Variants in EYA2 observed in about 807,000 individuals in gnomAD.
The protein encoded by EYA2 is protein phosphatase EYA2.
Under a neutral mutation model 69.2 loss-of-function variants are expected in EYA2, and 31 were observed. The observed-to-expected ratio is 0.45, with a 90% confidence interval of 0.34 to 0.60. The LOEUF (loss-of-function observed/expected upper bound fraction) is 0.60, where lower values mean the gene tolerates loss of function less well. Ranked by LOEUF, EYA2 falls within the 20% of genes least tolerant of loss-of-function variation. The pLI is 0.02. For missense variants in EYA2, 622 were observed against 701.2 expected, an observed-to-expected ratio of 0.89 and a Z score of 1.28; for synonymous variants, 257 against 279.4, an observed-to-expected ratio of 0.92 and a Z score of 0.80.
At chr20:47,019,634 G>T (rs1228862977) in intron 5 of EYA2, among the ~76,000 whole-genome samples, 1 of 152,098 alleles carries the variant, frequency 6.6e-6, no homozygotes, top group Admixed American at 6.5e-5. Flanking sequence ...TGCTGATTTT[G>T]TGAAATTGGC....
At position 47,009,702 on chromosome 20, in the gene EYA2, A is replaced by G. The variant is rs553019460; in HGVS notation, c.298+4618A>G. Among the ~76,000 whole-genome samples, 8 of 152,342 alleles carry G rather than the reference A, an allele frequency of 5.3e-5. No individual in the cohort carries two copies. The East Asian group carries it at 9.6e-4, about 18-fold the overall frequency. On this transcript the variant is annotated intron_variant, in intron 4 of 15. Coordinates refer to ENST00000327619, the MANE Select transcript of EYA2 (RefSeq NM_005244.5). ...AGCAGACCACACAGTCTCTATCTCA[A>G]TCACTCAACTCTGCCATTGTAGCAT...
chr20:47,182,951 C>T (rs565950088), intron 14 of EYA2, among the ~76,000 whole-genome samples: 1 of 152,216 alleles, frequency 6.6e-6, no homozygotes, highest in Non-Finnish European at 1.5e-5. Flanking sequence ...CAAAAGTGTC[C>T]AGCGCAGTGG....
chr20:47,072,579 C>T (rs2031354828), intron 6 of EYA2, among the ~76,000 whole-genome samples: 1 of 152,154 alleles, frequency 6.6e-6, no homozygotes, highest in South Asian at 2.1e-4. Flanking sequence ...TTCACCAGAC[C>T]ATGGGCTTCT....
At chr20:47,016,742 T>C (rs1342239562) in intron 5 of EYA2, among the ~76,000 whole-genome samples, 3 of 152,118 alleles carry the variant, frequency 2.0e-5, no homozygotes, top group African/African-American at 7.2e-5. Flanking sequence ...GTACAAACTG[T>C]GCATGCAGGG....
intron 15 of EYA2, 101 bp from the exon 16 acceptor site, chr20:47,187,952 G>C (rs1228803424): frequency 1.2e-5 from 15 of 1,286,822 alleles, no homozygotes; most frequent in African/African-American, 1.5e-5. Context: ...CCACGTGCTA[G>C]ACTTAACTGG....
intron 1 of EYA2, among the ~76,000 whole-genome samples, chr20:46,959,266 A>G (rs928353398): frequency 6.6e-6 from 1 of 152,232 alleles, no homozygotes; most frequent in Non-Finnish European, 1.5e-5. Context: ...GTCATTGTGT[A>G]CATAGAGCCC....
intron 10 of EYA2, among the ~76,000 whole-genome samples, chr20:47,157,340 C>A (rs2033971909): frequency 1.9e-5 from 2 of 106,592 alleles, no homozygotes; most frequent in Admixed American, 1.5e-4. Context: ...GGTGACAGAG[C>A]AAGACTCCGT....
intron 5 of EYA2, chr20:47,071,906 C>T (rs917393147): frequency 1.4e-5 from 6 of 437,614 alleles, no homozygotes; most frequent in Non-Finnish European, 2.1e-5. Context: ...TTAGGGGTCA[C>T]GTGAGCCATA....
intron 1 of EYA2, among the ~76,000 whole-genome samples, chr20:46,969,551 T>TTTTG (rs11471522): frequency 0.22 from 32,945 of 152,004 alleles, 3,841 homozygotes; most frequent in Non-Finnish European, 0.27. Context: ...CCTCTTTTGT[T>TTTTG]TTTGTTTGTT....
intron 5 of EYA2, among the ~76,000 whole-genome samples, chr20:47,024,466 AG>A (rs1983962908): frequency 6.6e-6 from 1 of 152,174 alleles, no homozygotes; most frequent in Non-Finnish European, 1.5e-5. Context: ...GATCTTTTCC[AG>A]TGGTTCTCTC....
At chr20:46,921,112 G>A (rs1328215050) in intron 1 of EYA2, among the ~76,000 whole-genome samples, 1 of 152,182 alleles carries the variant, frequency 6.6e-6, no homozygotes. Flanking sequence ...AACTCTAGCT[G>A]TGCCCACACC....
intron 1 of EYA2, among the ~76,000 whole-genome samples, chr20:46,946,799 G>C (rs1288704087): frequency 1.5e-5 from 2 of 135,954 alleles, no homozygotes; most frequent in African/African-American, 5.3e-5. Context: ...CAACGTAGAT[G>C]ATGGGGCTTT....
chr20:47,036,226 TAA>T (rs1984703462), intron 5 of EYA2, among the ~76,000 whole-genome samples: 1 of 151,972 alleles, frequency 6.6e-6, no homozygotes, highest in Non-Finnish European at 1.5e-5. Context: ...TAGCATGAAG[TAA>T]GAGAGGCACT....
At chr20:46,929,468 G>A (rs1293927136) in intron 1 of EYA2, among the ~76,000 whole-genome samples, 1 of 151,692 alleles carries the variant, frequency 6.6e-6, no homozygotes, top group Non-Finnish European at 1.5e-5. Flanking sequence ...AGGGCCATAT[G>A]ATAAAAGATT....
chr20:47,111,619 C>T (rs1025011781), intron 9 of EYA2, among the ~76,000 whole-genome samples: 4 of 152,214 alleles, frequency 2.6e-5, no homozygotes, highest in Non-Finnish European at 5.9e-5. Context: ...CCATTTGGAA[C>T]TGGCACACTG....
At chr20:47,173,529 AAAAC>A (rs1469463847) in intron 12 of EYA2, among the ~76,000 whole-genome samples, 10 of 149,506 alleles carry the variant, frequency 6.7e-5, no homozygotes, top group Admixed American at 3.6e-4. Flanking sequence ...AAAAAAAAAA[AAAAC>A]GTGCAGGGTC....
At chr20:47,187,284 G>A (rs939648617) in intron 15 of EYA2, among the ~76,000 whole-genome samples, 1 of 151,588 alleles carries the variant, frequency 6.6e-6, no homozygotes, top group Non-Finnish European at 1.5e-5. Context: ...TAGGAGGATC[G>A]CTTGAGCCTG....
intron 5 of EYA2, among the ~76,000 whole-genome samples, chr20:47,025,707 G>A (rs931195604): frequency 6.6e-6 from 1 of 152,136 alleles, no homozygotes; most frequent in African/African-American, 2.4e-5. Context: ...GGGGTCAAGG[G>A]GCAAGTCTAT....
chr20:47,147,417 G>A lies in EYA2; in HGVS notation c.978+4269G>A, dbSNP rs531972528. Among the ~76,000 whole-genome samples, 8 of 152,296 alleles carry A rather than the reference G, an allele frequency of 5.3e-5. No homozygotes were observed. In the South Asian group the frequency reaches 1.0e-3, roughly 20 times the overall value. On this transcript the variant is annotated intron_variant, in intron 10 of 15. Coordinates refer to ENST00000327619, the MANE Select transcript of EYA2 (RefSeq NM_005244.5). ...AGGAGGAGGCCATGCCGATATCTGGGTGAAGAGTGTTCCAGATAGAAGCAC... is the reference window on the plus strand; with the variant it reads ...AGGAGGAGGCCATGCCGATATCTGGATGAAGAGTGTTCCAGATAGAAGCAC...
Sources: gnomAD v4.1 joint callset for allele counts (sites outside exome capture counted in the v4.1 genomes callset) on GRCh38, gnomAD v4.1.1 for gene constraint, MANE v1.5 for transcripts, NCBI Gene and HGNC (gene_info 2026-07-23, HGNC 2026-07-21) for gene names.